Variants in PTPRT observed in about 807,000 individuals in gnomAD.
The protein encoded by PTPRT is protein tyrosine phosphatase receptor type T.
PTPRT carries 56 observed loss-of-function variants against 176.8 expected under a neutral mutation model. That is an observed-to-expected ratio of 0.32 (90% CI 0.26 to 0.40). The LOEUF is 0.40. Ranked by LOEUF, PTPRT falls within the 10% of genes least tolerant of loss-of-function variation. PTPRT has a pLI of 1.00. For synonymous variants in PTPRT, 783 were observed against 739.0 expected (o/e 1.06, Z -0.96); for missense variants, 1,540 against 1,908.2 (o/e 0.81, Z 3.60).
At chr20:43,019,164 A>G (rs996949830) in intron 1 of PTPRT, among the ~76,000 whole-genome samples, 2 of 152,260 alleles carry the variant, frequency 1.3e-5, no homozygotes, top group African/African-American at 4.8e-5. Context: ...GAGCTATTGT[A>G]GAAAGATCAT....
intron 15 of PTPRT, among the ~76,000 whole-genome samples, chr20:42,229,054 C>T (rs1483696114): frequency 6.6e-6 from 1 of 152,124 alleles, no homozygotes; most frequent in Non-Finnish European, 1.5e-5. Context: ...TCTGGGCACA[C>T]AAGGGGGATA....
intron 22 of PTPRT, among the ~76,000 whole-genome samples, chr20:42,110,761 A>G (rs1408704377): frequency 2.8e-5 from 4 of 145,018 alleles, no homozygotes. Context: ...AGGGCCACAG[A>G]GCACCCTAGG....
At chr20:42,375,213 A>C (rs1345901634) in intron 9 of PTPRT, among the ~76,000 whole-genome samples, 2 of 152,332 alleles carry the variant, frequency 1.3e-5, no homozygotes, top group East Asian at 3.9e-4. Context: ...TGTTATATCC[A>C]ACAATCCTTT....
At chr20:43,083,507 C>A (rs1309511316) in intron 1 of PTPRT, among the ~76,000 whole-genome samples, 1 of 150,952 alleles carries the variant, frequency 6.6e-6, no homozygotes, top group South Asian at 2.1e-4. Flanking sequence ...ATTACAGTCA[C>A]GCAACACCTG....
intron 7 of PTPRT, among the ~76,000 whole-genome samples, chr20:42,557,736 T>C (rs1368842442): frequency 1.3e-5 from 2 of 151,858 alleles, no homozygotes; most frequent in East Asian, 1.9e-4. Context: ...ACGAAGAAAA[T>C]GGTTGAGTTT....
intron 7 of PTPRT, among the ~76,000 whole-genome samples, chr20:42,567,051 C>T (rs1317109273): frequency 6.6e-6 from 1 of 152,124 alleles, no homozygotes; most frequent in Non-Finnish European, 1.5e-5. Flanking sequence ...GCAGGTGGAT[C>T]ACCTGATGTC....
chr20:42,818,011 C>T (rs1049164826), intron 2 of PTPRT, among the ~76,000 whole-genome samples: 12 of 152,136 alleles, frequency 7.9e-5, no homozygotes, highest in Non-Finnish European at 1.3e-4. Context: ...CCCTCTCCAC[C>T]AAGTGACAAA....
At chr20:42,787,085 A>G (rs938820773) in intron 3 of PTPRT, among the ~76,000 whole-genome samples, 3 of 152,230 alleles carry the variant, frequency 2.0e-5, no homozygotes, top group Non-Finnish European at 4.4e-5. Flanking sequence ...GAGTAATTGC[A>G]ATAGAAATTG....
At chr20:42,248,649 G>C (rs752446209) in intron 14 of PTPRT, 38 bp downstream of exon 14, 9 of 1,608,790 alleles carry the variant, frequency 5.6e-6, no homozygotes, top group Middle Eastern at 1.8e-4. Context: ...AGGTCACCTC[G>C]GGTCAGCAGA....
intron 12 of PTPRT, among the ~76,000 whole-genome samples, chr20:42,310,263 G>A (rs1363086150): frequency 6.6e-6 from 1 of 152,136 alleles, no homozygotes; most frequent in South Asian, 2.1e-4. Flanking sequence ...TGGGGAAAAT[G>A]AGCCTATCAG....
chr20:42,125,290 TG>T (rs1259207783), intron 19 of PTPRT, among the ~76,000 whole-genome samples: 2 of 152,230 alleles, frequency 1.3e-5, no homozygotes, highest in Non-Finnish European at 2.9e-5. Flanking sequence ...TGCACACTTG[TG>T]GGGTGGCATC....
intron 13 of PTPRT, among the ~76,000 whole-genome samples, chr20:42,272,939 C>T (rs1184699858): frequency 1.3e-5 from 2 of 152,310 alleles, no homozygotes; most frequent in East Asian, 3.9e-4. Flanking sequence ...CAACCTTGTT[C>T]GACATGATAA....
chr20:42,807,241 C>T (rs746411794), intron 2 of PTPRT, among the ~76,000 whole-genome samples: 10 of 152,332 alleles, frequency 6.6e-5, no homozygotes, highest in Middle Eastern at 6.8e-3. Flanking sequence ...GTTAGTGGCA[C>T]GGCATAGGTG....
intron 1 of PTPRT, among the ~76,000 whole-genome samples, chr20:43,090,726 A>G (rs983609149): frequency 6.6e-6 from 1 of 152,180 alleles, no homozygotes; most frequent in Non-Finnish European, 1.5e-5. Flanking sequence ...GCGAGGAGAA[A>G]TATTTAGAAA....
chr20:42,072,198 A>T (rs1982374668), downstream of PTPRT, among the ~76,000 whole-genome samples: 2 of 152,150 alleles, frequency 1.3e-5, no homozygotes. Flanking sequence ...AGGATGAAAA[A>T]ATAAGGCGCA....
At chr20:42,879,849 T>C (rs2145848612) in intron 2 of PTPRT, among the ~76,000 whole-genome samples, 1 of 152,310 alleles carries the variant, frequency 6.6e-6, no homozygotes, top group East Asian at 1.9e-4. Flanking sequence ...ACTAAGCTTT[T>C]TGTATTTTTC....
At chr20:43,122,257 C>A (rs766494534) in intron 1 of PTPRT, among the ~76,000 whole-genome samples, 1 of 152,180 alleles carries the variant, frequency 6.6e-6, no homozygotes, top group Non-Finnish European at 1.5e-5. Context: ...CCAAAGGCCC[C>A]AGTCCAGTGC....
chr20:42,392,957 T>A (rs565273063), intron 9 of PTPRT, among the ~76,000 whole-genome samples: 1 of 152,090 alleles, frequency 6.6e-6, no homozygotes, highest in Non-Finnish European at 1.5e-5. Flanking sequence ...GAAAATCTGA[T>A]TTTTTTTAAT....
intron 1 of PTPRT, among the ~76,000 whole-genome samples, chr20:43,156,942 G>A (rs1423384769): frequency 1.3e-5 from 2 of 152,144 alleles, no homozygotes; most frequent in East Asian, 1.9e-4. Context: ...ATGGTAGCTG[G>A]ATGTGATGCA....
Sources: allele counts gnomAD v4.1 joint callset (sites outside exome capture counted in the v4.1 genomes callset), GRCh38; gene constraint gnomAD v4.1.1; transcripts MANE v1.5; gene names NCBI Gene and HGNC (gene_info 2026-07-23, HGNC 2026-07-21).